The following OR9Q1 variants were observed in gnomAD, a reference collection of about 807,000 sequenced individuals.
OR9Q1 encodes the protein olfactory receptor 9Q1.
For missense variants in OR9Q1, 374 were observed against 378.8 expected (o/e 0.99, Z 0.11); for synonymous variants, 153 against 148.6 (o/e 1.03, Z -0.22).
chr11:58,141,531 T>C lies in OR9Q1; in HGVS notation c.-14-37900T>C, dbSNP rs370217574. On this transcript the variant is annotated intron_variant, in intron 2 of 2. Transcript: ENST00000335397. Reference sequence around the variant, plus strand: ...TATGCTGGATTACGTTTATTGATTTTCATATGTTGAACCAGCCTTGCATCC... The same window carrying C: ...TATGCTGGATTACGTTTATTGATTTCCATATGTTGAACCAGCCTTGCATCC... Among the ~76,000 whole-genome samples the C allele has an allele frequency of 9.3e-4, 142 of 152,306 alleles. 5 individuals are homozygous for C. In the South Asian group the frequency reaches 0.029, roughly 31 times the overall value.
intron 2 of OR9Q1, among the ~76,000 whole-genome samples, chr11:58,089,431 G>A (rs1417644642): frequency 6.6e-6 from 1 of 151,670 alleles, no homozygotes; most frequent in Non-Finnish European, 1.5e-5. Flanking sequence ...GATTTTTGTC[G>A]GGTTTGTCGA....
intron 2 of OR9Q1, among the ~76,000 whole-genome samples, chr11:58,083,612 A>T (rs1034025095): frequency 6.6e-6 from 1 of 151,352 alleles, no homozygotes; most frequent in African/African-American, 2.4e-5. Context: ...TTAAGTCTTT[A>T]ATCCATCTTG....
chr11:58,070,269 G>A (rs1853474594), intron 2 of OR9Q1, among the ~76,000 whole-genome samples: 1 of 151,796 alleles, frequency 6.6e-6, no homozygotes, highest in Admixed American at 6.6e-5. Context: ...GCTCGCCTTG[G>A]CCTCCCAAAG....
At chr11:58,115,120 A>G (rs1853940382) in intron 2 of OR9Q1, among the ~76,000 whole-genome samples, 1 of 152,194 alleles carries the variant, frequency 6.6e-6, no homozygotes, top group Non-Finnish European at 1.5e-5. Flanking sequence ...ACATAAAGAA[A>G]AGCTGCTTTG....
chr11:58,140,376 A>G (rs2119865583), intron 2 of OR9Q1, among the ~76,000 whole-genome samples: 1 of 152,182 alleles, frequency 6.6e-6, no homozygotes, highest in East Asian at 1.9e-4. Flanking sequence ...CTATGTCCTG[A>G]ATGGTATTGC....
chr11:58,090,606 C>CT (rs1197675724), intron 2 of OR9Q1, among the ~76,000 whole-genome samples: 2 of 151,970 alleles, frequency 1.3e-5, no homozygotes, highest in African/African-American at 4.8e-5. Context: ...CTGAAATTTT[C>CT]TTTTTTTGTG....
chr11:58,029,905 A>G (rs1282518576), intron 1 of OR9Q1, among the ~76,000 whole-genome samples: 2 of 149,872 alleles, frequency 1.3e-5, no homozygotes, highest in African/African-American at 4.9e-5. Flanking sequence ...GCAGTGGCAT[A>G]ATCTCAGCTC....
intron 2 of OR9Q1, among the ~76,000 whole-genome samples, chr11:58,121,552 A>G (rs962703886): frequency 2.0e-5 from 3 of 152,176 alleles, no homozygotes; most frequent in Non-Finnish European, 2.9e-5. Context: ...TCCACAACCA[A>G]GTCTCCAGAT....
intron 2 of OR9Q1, among the ~76,000 whole-genome samples, chr11:58,105,376 A>G (rs1183189723): frequency 6.6e-6 from 1 of 152,198 alleles, no homozygotes; most frequent in African/African-American, 2.4e-5. Context: ...TACATATTTA[A>G]TATATAAAAT....
At chr11:58,097,671 G>T (rs1485695012) in intron 2 of OR9Q1, among the ~76,000 whole-genome samples, 2 of 152,160 alleles carry the variant, frequency 1.3e-5, no homozygotes, top group African/African-American at 2.4e-5. Flanking sequence ...GTTCATAGCA[G>T]CCATGTTTGT....
chr11:58,041,265 C>G (rs555008410), intron 1 of OR9Q1: 22 of 153,130 alleles, frequency 1.4e-4, no homozygotes, highest in African/African-American at 5.0e-4. Context: ...CCGCCCACCC[C>G]CTAAGCTGGG....
chr11:58,102,527 C>G (rs1358893991), intron 2 of OR9Q1, among the ~76,000 whole-genome samples: 1 of 150,064 alleles, frequency 6.7e-6, no homozygotes, highest in East Asian at 2.0e-4. Flanking sequence ...TGAAGCAAAG[C>G]TTTTCTGGGT....
At chr11:58,115,220 G>A (rs1853941426) in intron 2 of OR9Q1, among the ~76,000 whole-genome samples, 1 of 152,224 alleles carries the variant, frequency 6.6e-6, no homozygotes, top group Admixed American at 6.5e-5. Context: ...CATATGTATT[G>A]ATATACGTAT....
intron 2 of OR9Q1, among the ~76,000 whole-genome samples, chr11:58,103,298 G>A (rs1449398209): frequency 1.3e-5 from 2 of 152,100 alleles, no homozygotes; most frequent in African/African-American, 4.8e-5. Context: ...GAATAGTATG[G>A]AGGTAACCGC....
At chr11:58,176,079 C>T (rs1407327562) in intron 2 of OR9Q1, among the ~76,000 whole-genome samples, 1 of 152,184 alleles carries the variant, frequency 6.6e-6, no homozygotes, top group Non-Finnish European at 1.5e-5. Flanking sequence ...CATGATGTGT[C>T]TTGCTGAGGT....
chr11:58,130,587 T>C (rs1854131940), intron 2 of OR9Q1, among the ~76,000 whole-genome samples: 1 of 151,934 alleles, frequency 6.6e-6, no homozygotes, highest in Non-Finnish European at 1.5e-5. Context: ...AGGCTAGGAG[T>C]TCGAGACCAG....
chr11:58,133,761 T>C (rs933139487), intron 2 of OR9Q1, among the ~76,000 whole-genome samples: 1 of 152,078 alleles, frequency 6.6e-6, no homozygotes, highest in African/African-American at 2.4e-5. Context: ...TGCTGGCAGG[T>C]GTTGGGAATG....
intron 2 of OR9Q1, among the ~76,000 whole-genome samples, chr11:58,139,874 G>A (rs1236823709): frequency 1.8e-4 from 28 of 151,556 alleles, no homozygotes; most frequent in African/African-American, 6.8e-4. Flanking sequence ...CTTCCACAAT[G>A]GTTGAACTAG....
intron 2 of OR9Q1, among the ~76,000 whole-genome samples, chr11:58,058,104 C>T (rs1853344709): frequency 6.6e-6 from 1 of 152,192 alleles, no homozygotes; most frequent in Non-Finnish European, 1.5e-5. Context: ...TGGACAGGGA[C>T]TGGGAAAGGC....
Sources: allele counts gnomAD v4.1 joint callset (sites outside exome capture counted in the v4.1 genomes callset), GRCh38; gene constraint gnomAD v4.1.1; transcripts MANE v1.5; gene names NCBI Gene and HGNC (gene_info 2026-07-23, HGNC 2026-07-21).